Variants in SIK2 observed in about 807,000 individuals in gnomAD.
SIK2 encodes the protein salt inducible kinase 2.
SIK2 carries 29 observed loss-of-function variants against 103.2 expected under a neutral mutation model. The ratio of observed to expected loss-of-function variants is 0.28; its 90% CI spans 0.21 to 0.38. The LOEUF is 0.38. Among genes scored for constraint, SIK2 ranks in the 10% least tolerant of loss-of-function variants. The pLI, the probability that SIK2 is intolerant of heterozygous loss-of-function variation, is 1.00. For missense variants in SIK2, 879 were observed against 1,171.0 expected, an observed-to-expected ratio of 0.75 and a Z score of 3.64; for synonymous variants, 412 against 446.1, an observed-to-expected ratio of 0.92 and a Z score of 0.96.
At chr11:111,676,292 G>A (rs927573066) in intron 3 of SIK2, among the ~76,000 whole-genome samples, 2 of 152,132 alleles carry the variant, frequency 1.3e-5, no homozygotes, top group African/African-American at 4.8e-5. Context: ...TGGGATTGCT[G>A]GGCTGAACAG....
intron 3 of SIK2, chr11:111,672,317 C>T (rs973550809): frequency 1.7e-5 from 7 of 421,828 alleles, no homozygotes; most frequent in Non-Finnish European, 3.0e-5. Flanking sequence ...ATGCAGGCAC[C>T]AGGCCTGCTC....
At chr11:111,672,280 G>A in intron 3 of SIK2, 1 of 394,346 alleles carries the variant, frequency 2.5e-6, no homozygotes, top group South Asian at 2.9e-5. Context: ...TGCTGCTGTT[G>A]CCCACCAGGA....
intron 9 of SIK2, among the ~76,000 whole-genome samples, chr11:111,713,638 C>T (rs1239369990): frequency 6.6e-6 from 1 of 152,198 alleles, no homozygotes; most frequent in African/African-American, 2.4e-5. Context: ...ATTATACATA[C>T]TGAAAGACAG....
Position 111,610,981 on chromosome 11 carries a change from C to A in SIK2, c.136-5262C>A, listed in dbSNP as rs111395578. Among the ~76,000 whole-genome samples, 991 of 152,204 alleles carry A rather than the reference C, an allele frequency of 6.5e-3. 10 individuals carry two copies. Among genetic ancestry groups the A allele is most frequent in the African/African-American group, 0.022 (926 of 41,512 alleles). On this transcript the variant is annotated intron_variant, in intron 1 of 14. Coordinates refer to ENST00000304987, the MANE Select transcript of SIK2 (RefSeq NM_015191.3). ...ACACATAAGGCTGGGTGAGGTGGCT[C>A]ACACCAGTAATCCCATACTTTTTGG...
At chr11:111,650,483 C>G (rs1942313716) in intron 3 of SIK2, among the ~76,000 whole-genome samples, 2 of 152,020 alleles carry the variant, frequency 1.3e-5, no homozygotes, top group South Asian at 2.1e-4. Flanking sequence ...TTATTGTGCA[C>G]TCAATGCAGA....
intron 3 of SIK2, among the ~76,000 whole-genome samples, chr11:111,650,425 T>G (rs1195720134): frequency 6.6e-6 from 1 of 152,108 alleles, no homozygotes; most frequent in African/African-American, 2.4e-5. Context: ...GACAATAACT[T>G]TCCCCTAAAA....
At chr11:111,686,660 C>T (rs1292154979) in intron 3 of SIK2, among the ~76,000 whole-genome samples, 1 of 152,126 alleles carries the variant, frequency 6.6e-6, no homozygotes, top group African/African-American at 2.4e-5. Flanking sequence ...AGAGGACTTT[C>T]AGGTCTTTGG....
At chr11:111,677,727 C>A (rs1942723005) in intron 3 of SIK2, among the ~76,000 whole-genome samples, 1 of 151,864 alleles carries the variant, frequency 6.6e-6, no homozygotes, top group South Asian at 2.1e-4. Context: ...CCACGCCCAG[C>A]CTAAAGTTTT....
intron 9 of SIK2, among the ~76,000 whole-genome samples, chr11:111,718,256 A>G (rs1216265866): frequency 6.6e-6 from 1 of 152,190 alleles, no homozygotes; most frequent in Non-Finnish European, 1.5e-5. Context: ...GTATTAGTAG[A>G]GAGTTAAGGA....
intron 9 of SIK2, among the ~76,000 whole-genome samples, chr11:111,714,021 G>A (rs929293238): frequency 3.3e-5 from 5 of 152,124 alleles, no homozygotes; most frequent in African/African-American, 7.2e-5. Context: ...AAATCAGAAC[G>A]AGGCAGGGGA....
chr11:111,676,460 G>A (rs1356406137), intron 3 of SIK2, among the ~76,000 whole-genome samples: 2 of 152,178 alleles, frequency 1.3e-5, no homozygotes, highest in Non-Finnish European at 2.9e-5. Flanking sequence ...CACTCTGACT[G>A]TTGTGAGATG....
intron 3 of SIK2, among the ~76,000 whole-genome samples, chr11:111,680,149 C>T (rs1942758735): frequency 6.6e-6 from 1 of 151,470 alleles, no homozygotes; most frequent in Non-Finnish European, 1.5e-5. Flanking sequence ...GGGGGCGTTT[C>T]ATAGTAACAT....
chr11:111,665,687 G>A (rs574905307), intron 3 of SIK2, among the ~76,000 whole-genome samples: 1 of 152,140 alleles, frequency 6.6e-6, no homozygotes, highest in South Asian at 2.1e-4. Context: ...TTAGCGGGAT[G>A]TGGTGGCACA....
chr11:111,703,968 G>A (rs1344312080), intron 7 of SIK2, among the ~76,000 whole-genome samples: 1 of 152,138 alleles, frequency 6.6e-6, no homozygotes, highest in East Asian at 1.9e-4. Context: ...TCCTCGAATA[G>A]TTAGCATACT....
In SIK2 at chr11:111,684,307, C is replaced by CAGT. The variant is rs570695027; in HGVS notation, c.317-3690_317-3688dup. Among the ~76,000 whole-genome samples, 73 of 152,190 alleles carry CAGT rather than the reference C, an allele frequency of 4.8e-4. 1 individual carries two copies. Among genetic ancestry groups the CAGT allele is most frequent in the Middle Eastern group, 3.4e-3 (1 of 294 alleles). On this transcript the variant is annotated intron_variant, in intron 3 of 14. Coordinates refer to ENST00000304987, the MANE Select transcript of SIK2 (RefSeq NM_015191.3). ...TGCTTCCTAGGACTCATTTTGTAGTCAGTAGTTTGGGGTCTCTTTCTATAT... is the reference window on the plus strand; with the variant it reads ...TGCTTCCTAGGACTCATTTTGTAGTCAGTAGTAGTTTGGGGTCTCTTTCTATAT...
chr11:111,728,863 G>C lies in SIK2; in HGVS notation c.*4734G>C, dbSNP rs992768676. ...GGCGTGAACCCGGGAGGTGGAGCTT[G>C]CAGTGAGCCAAGATCGTGCCACTGC... On this transcript the variant is annotated 3_prime_UTR_variant, in exon 15 of 15. Coordinates refer to ENST00000304987, the MANE Select transcript of SIK2 (RefSeq NM_015191.3). The C allele has an allele frequency of 6.6e-6, 1 of 150,802 alleles. No individual in the cohort carries two copies. Among genetic ancestry groups the C allele is most frequent in the Non-Finnish European group, 1.5e-5 (1 of 67,926 alleles). The allele number at this position is 150,802 out of a possible 1,614,324, so 9.3% of individuals were successfully genotyped here.
In SIK2 at chr11:111,727,081, C is replaced by T. The variant is rs1943994840; in HGVS notation, c.*2952C>T. ...CCCTGTAAGGCAAACAGCATGTTAGCCCGACAGGAAGAGGGGGCCCACTTT... is the reference window on the plus strand; with the variant it reads ...CCCTGTAAGGCAAACAGCATGTTAGTCCGACAGGAAGAGGGGGCCCACTTT... On this transcript the variant is annotated 3_prime_UTR_variant, in exon 15 of 15. Transcript: ENST00000304987. The T allele has an allele frequency of 6.2e-7, 1 of 1,603,062 alleles. No individual in the cohort carries two copies. Among genetic ancestry groups the T allele is most frequent in the African/African-American group, 1.3e-5 (1 of 74,682 alleles).
Position 111,721,969 on chromosome 11 carries a change from C to T in SIK2, c.2055+29C>T, listed in dbSNP as rs776515443. 4 of 1,485,828 alleles carry T rather than the reference C, an allele frequency of 2.7e-6. No individual in the cohort carries two copies. In the South Asian group the frequency reaches 5.0e-5, roughly 19 times the overall value. The allele number at this position is 1,485,828 out of a possible 1,614,324, so 92.0% of individuals were successfully genotyped here. A position where few individuals can be genotyped will look rare whatever the true frequency, so the allele number is the denominator to read the frequency against. On this transcript the variant is annotated intron_variant, in intron 13 of 14. Coordinates refer to ENST00000304987, the MANE Select transcript of SIK2 (RefSeq NM_015191.3). Reference sequence around the variant, plus strand: ...GGTCCTTCTCCTTGCGAGTCCACCTCACTCTGCTCATCCAGAATCTGTTCT... The same window carrying T: ...GGTCCTTCTCCTTGCGAGTCCACCTTACTCTGCTCATCCAGAATCTGTTCT...
chr11:111,726,804 A>C lies in SIK2; in HGVS notation c.*2675A>C. The C allele has an allele frequency of 6.3e-6, 4 of 636,048 alleles. No individual in the cohort carries two copies. The highest frequency in any genetic ancestry group is 1.1e-5 in the Non-Finnish European group (4 of 357,268). 39.4% of individuals were successfully genotyped at this position (636,048 alleles called of 1,614,324 possible). On this transcript the variant is annotated 3_prime_UTR_variant, in exon 15 of 15. Coordinates refer to ENST00000304987, the MANE Select transcript of SIK2 (RefSeq NM_015191.3). ...GCTTTCCAGTCTGATTCACGTTAGC[A>C]GTGTGTACACTACTGTATCATCATC... is the stretch of plus-strand genomic sequence containing the variant.
Sources: allele counts gnomAD v4.1 joint callset (sites outside exome capture counted in the v4.1 genomes callset), GRCh38; gene constraint gnomAD v4.1.1; transcripts MANE v1.5; gene names NCBI Gene and HGNC (gene_info 2026-07-23, HGNC 2026-07-21).